Variants in DOCK4 observed in about 807,000 individuals in gnomAD.
DOCK4 encodes dedicator of cytokinesis 4.
DOCK4 carries 97 observed loss-of-function variants against 268.1 expected under a neutral mutation model. The observed-to-expected ratio is 0.36, with a 90% confidence interval of 0.31 to 0.43. DOCK4 has a LOEUF of 0.43. Ranked by LOEUF, DOCK4 falls within the 20% of genes least tolerant of loss-of-function variation. The pLI is 1.00. For synonymous variants in DOCK4, 954 were observed against 887.2 expected (o/e 1.08, Z -1.34); for missense variants, 2,145 against 2,455.7 (o/e 0.87, Z 2.67).
At chr7:111,974,723 G>A (rs1400887248) in intron 8 of DOCK4, among the ~76,000 whole-genome samples, 1 of 151,820 alleles carries the variant, frequency 6.6e-6, no homozygotes, top group Non-Finnish European at 1.5e-5. Flanking sequence ...CTCCTGGCTT[G>A]AACTTGGGGA....
At chr7:111,916,812 A>G (rs1422834760) in intron 12 of DOCK4, among the ~76,000 whole-genome samples, 1 of 151,446 alleles carries the variant, frequency 6.6e-6, no homozygotes, top group Non-Finnish European at 1.5e-5. Context: ...TTATATTTTT[A>G]ATTTTTTTAT....
chr7:111,984,089 G>C (rs1027861099), intron 7 of DOCK4, among the ~76,000 whole-genome samples: 1 of 152,114 alleles, frequency 6.6e-6, no homozygotes, highest in Admixed American at 6.5e-5. Flanking sequence ...CTGGTGCCTG[G>C]GCGTTGAGGG....
intron 1 of DOCK4, among the ~76,000 whole-genome samples, chr7:112,135,116 A>C (rs899623764): frequency 2.0e-5 from 3 of 152,164 alleles, no homozygotes; most frequent in African/African-American, 7.2e-5. Context: ...GCCTTAAGGC[A>C]TAATTTGTTT....
chr7:112,000,616 C>T lies in DOCK4; in HGVS notation c.122-82G>A, dbSNP rs925809558. ...AATAACAAATCAATCTGTTCTTTGCCGATGGAATTTTACCATACATGAAAA... is the reference window on the plus strand; with the variant it reads ...AATAACAAATCAATCTGTTCTTTGCTGATGGAATTTTACCATACATGAAAA... On this transcript the variant is annotated intron_variant, in intron 2 of 52. Coordinates refer to ENST00000428084, the MANE Select transcript of DOCK4 (RefSeq NM_001363540.2). 89 of 1,078,312 alleles carry T rather than the reference C, an allele frequency of 8.3e-5. No individual in the cohort carries two copies. In the Middle Eastern group the frequency reaches 1.1e-3, roughly 13 times the overall value. The allele number at this position is 1,078,312 out of a possible 1,614,324, so 66.8% of individuals were successfully genotyped here.
chr7:111,856,865 T>C (rs1437361829), intron 23 of DOCK4, among the ~76,000 whole-genome samples: 1 of 152,192 alleles, frequency 6.6e-6, no homozygotes, highest in Non-Finnish European at 1.5e-5. Context: ...TTACATTAGA[T>C]CATCATCACA....
chr7:111,986,648 C>T (rs897144757), intron 6 of DOCK4, among the ~76,000 whole-genome samples: 2 of 152,144 alleles, frequency 1.3e-5, no homozygotes, highest in East Asian at 1.9e-4. Context: ...TAACTGATTG[C>T]CTCCTCCCAC....
chr7:111,744,746 T>G (rs1231060455), intron 44 of DOCK4, among the ~76,000 whole-genome samples: 6 of 152,254 alleles, frequency 3.9e-5, no homozygotes, highest in Non-Finnish European at 8.8e-5. Flanking sequence ...TGCTCACTTC[T>G]AGTATCTACA....
chr7:111,835,069 A>G (rs535585041), intron 25 of DOCK4, among the ~76,000 whole-genome samples: 2 of 152,274 alleles, frequency 1.3e-5, no homozygotes, highest in South Asian at 2.1e-4. Flanking sequence ...TATCAACACT[A>G]TGAGGTAGGG....
chr7:111,991,144 T>G (rs756955352), intron 5 of DOCK4, among the ~76,000 whole-genome samples: 1 of 152,214 alleles, frequency 6.6e-6, no homozygotes, highest in Non-Finnish European at 1.5e-5. Flanking sequence ...GACTTGATTT[T>G]CTGTGATGTC....
chr7:111,915,784 A>G lies in DOCK4; in HGVS notation c.1187T>C (p.Met396Thr). Residue 396 changes from methionine (M) to threonine (T), a missense_variant, in exon 13 of 53, where the codon ATG becomes ACG. Around this residue, in one of 2 missense-constraint regions of DOCK4, gnomAD observed 1,598 missense variants for 1,986.7 expected, o/e 0.80. Coordinates refer to ENST00000428084, the MANE Select transcript of DOCK4 (RefSeq NM_001363540.2). ...TRKLGFSNII[M>T]PGEMRNDLYI... ...GTACGTCCCAAGTCACCTACCAGGC[A>G]TAATAATATTTGAAAATCCCAGCTT... The G allele has an allele frequency of 1.2e-6, 2 of 1,613,256 alleles. No homozygotes were observed. The highest frequency in any genetic ancestry group is 1.7e-6 in the Non-Finnish European group (2 of 1,179,632).
Position 111,777,328 on chromosome 7 carries a change from C to T in DOCK4, c.3679+948G>A, listed in dbSNP as rs575749276. 1.0e-3 allele frequency among the ~76,000 whole-genome samples: 159 copies of T among 152,260 alleles called. 1 individual carries two copies. The highest frequency in any genetic ancestry group is 3.8e-3 in the African/African-American group (157 of 41,556). Reference sequence around the variant, plus strand: ...AGAAGATTCTTCACCACTGGATCTGCTTTAAAAGAAATACTAAAACAAGAT... The same window carrying T: ...AGAAGATTCTTCACCACTGGATCTGTTTTAAAAGAAATACTAAAACAAGAT... On this transcript the variant is annotated intron_variant, in intron 36 of 52. Transcript: ENST00000428084.
At chr7:112,189,286 G>GA (rs5886613) in intron 1 of DOCK4, among the ~76,000 whole-genome samples, 64 of 148,714 alleles carry the variant, frequency 4.3e-4, no homozygotes, top group African/African-American at 1.4e-3. Context: ...TCTTATTCTG[G>GA]AAAAAAAAAA....
At chr7:111,940,268 A>G in intron 10 of DOCK4, 26 bp from the exon 11 acceptor site, 1 of 1,613,716 alleles carries the variant, frequency 6.2e-7, no homozygotes, top group Non-Finnish European at 8.5e-7. Flanking sequence ...GCAATCATTA[A>G]CCCATGGAGC....
rs867580373 is a variant in DOCK4, at chr7:111,734,286, G to A, written c.5419+768C>T. On this transcript the variant is annotated intron_variant, in intron 51 of 52. Coordinates refer to ENST00000428084, the MANE Select transcript of DOCK4 (RefSeq NM_001363540.2). ...GCCATCTTGGTTCACTGCAACCTCT[G>A]ACTTCTGGGCTCAAGCCATCCTCCC... 3.3e-5 allele frequency among the ~76,000 whole-genome samples: 5 copies of A among 152,024 alleles called. No individual in the cohort carries two copies. In the South Asian group the frequency reaches 8.3e-4, roughly 25 times the overall value.
At chr7:111,777,753 AT>A (rs1798542070) in intron 36 of DOCK4, among the ~76,000 whole-genome samples, 1 of 151,980 alleles carries the variant, frequency 6.6e-6, no homozygotes, top group Non-Finnish European at 1.5e-5. Context: ...TGCTGCTCTC[AT>A]AATAGTGAAT....
chr7:112,173,878 G>C (rs996359278), intron 1 of DOCK4, among the ~76,000 whole-genome samples: 1 of 152,124 alleles, frequency 6.6e-6, no homozygotes, highest in Admixed American at 6.6e-5. Context: ...CAGAATACCT[G>C]TGCGGCCTGA....
chr7:111,753,840 A>T (rs1329390890), intron 42 of DOCK4, among the ~76,000 whole-genome samples: 1 of 152,254 alleles, frequency 6.6e-6, no homozygotes, highest in African/African-American at 2.4e-5. Context: ...TTCAGGGAAC[A>T]AAACAGCTGA....
intron 16 of DOCK4, among the ~76,000 whole-genome samples, chr7:111,887,462 G>T (rs1807938230): frequency 1.3e-5 from 2 of 152,290 alleles, no homozygotes; most frequent in South Asian, 2.1e-4. Context: ...AAAGAGAAAT[G>T]AGTCCTCAAA....
At chr7:111,935,329 C>T (rs1311132516) in intron 12 of DOCK4, 1 of 607,828 alleles carries the variant, frequency 1.6e-6, no homozygotes, top group Middle Eastern at 2.9e-4. Flanking sequence ...TTCGTTTCAA[C>T]AAGAATAGAA....
Sources: gnomAD v4.1 joint callset for allele counts (sites outside exome capture counted in the v4.1 genomes callset) on GRCh38, gnomAD v4.1.1 for gene constraint, gnomAD v4.1.1 regional missense constraint, MANE v1.5 for transcripts, NCBI Gene and HGNC (gene_info 2026-07-23, HGNC 2026-07-21) for gene names.